The following DLGAP4 variants were observed in gnomAD, a reference collection of about 807,000 sequenced individuals.
DLGAP4 encodes the protein DLG associated protein 4, also known as disks large-associated protein 4.
DLGAP4 carries 18 observed loss-of-function variants against 86.9 expected under a neutral mutation model. The observed-to-expected ratio is 0.21, with a 90% CI of 0.14 to 0.31. The LOEUF is 0.31. Ranked by LOEUF, DLGAP4 falls within the 10% of genes least tolerant of loss-of-function variation. DLGAP4 has a pLI of 1.00. For synonymous variants in DLGAP4, 548 were observed against 574.3 expected (o/e 0.95, Z 0.65); for missense variants, 1,085 against 1,362.6 (o/e 0.80, Z 3.21).
chr20:36,309,581 C>A (rs1410759279), intron 1 of DLGAP4, among the ~76,000 whole-genome samples: 1 of 152,232 alleles, frequency 6.6e-6, no homozygotes, highest in Admixed American at 6.5e-5. Flanking sequence ...AAAGTCCCAG[C>A]AGGTCTGTGG....
chr20:36,461,754 C>G, intron 7 of DLGAP4: 1 of 605,396 alleles, frequency 1.7e-6, no homozygotes, highest in African/African-American at 2.7e-5. Flanking sequence ...TCCGTCCGCC[C>G]GCCCGCCCGC....
chr20:36,459,963 G>C (rs541737334), intron 7 of DLGAP4, among the ~76,000 whole-genome samples: 3 of 152,144 alleles, frequency 2.0e-5, no homozygotes, highest in Non-Finnish European at 4.4e-5. Flanking sequence ...TGTCAATCAC[G>C]GTCCACAGTT....
At position 36,436,269 on chromosome 20, in the gene DLGAP4, C is replaced by A; in HGVS notation, c.1160C>A (p.Pro387His). The A allele has an allele frequency of 2.5e-6, 4 of 1,605,938 alleles. No homozygotes were observed. The highest frequency in any genetic ancestry group is 2.2e-5 in the South Asian group (2 of 90,880). Reference sequence around the variant, plus strand: ...GACGAGTCCGGCGGCAGCCCCAAGCCCTCACCCAAGACCGCGGCGCGGCGC... The same window carrying A: ...GACGAGTCCGGCGGCAGCCCCAAGCACTCACCCAAGACCGCGGCGCGGCGC... Reference protein sequence around the residue: ...DSDESGGSPKPSPKTAARRQS... With the variant: ...DSDESGGSPKHSPKTAARRQS... Residue 387 changes from proline (P) to histidine (H), a missense_variant, in exon 4 of 13, where the codon CCC becomes CAC. Physicochemically the swap from Pro to His is moderately conservative, Grantham distance 77 (BLOSUM62 -2). Coordinates refer to ENST00000339266, the MANE Select transcript of DLGAP4 (RefSeq NM_001365621.2).
At chr20:36,343,234 C>A (rs1487907566) in intron 1 of DLGAP4, among the ~76,000 whole-genome samples, 1 of 152,184 alleles carries the variant, frequency 6.6e-6, no homozygotes, top group Non-Finnish European at 1.5e-5. Context: ...GAGGAGACGG[C>A]TGCAGACATC....
Position 36,527,031 on chromosome 20 carries a change from A to T in DLGAP4, c.2979A>T (p.Ter993CysextTer10). ...IYVPEAQTRL* is the reference protein window; with the variant it reads ...IYVPEAQTRLC Reference sequence around the variant, plus strand: ...TCCCGGAGGCCCAGACCAGGCTCTGAGACCATGCAGGAGGAAAGAAACGAT... The same window carrying T: ...TCCCGGAGGCCCAGACCAGGCTCTGTGACCATGCAGGAGGAAAGAAACGAT... Residue 993 changes from the stop codon to cysteine (C), a stop_lost, in exon 13 of 13, where the codon TGA becomes TGT. Transcript: ENST00000339266. 1 of 1,591,008 alleles carries T rather than the reference A, an allele frequency of 6.3e-7. No individual in the cohort carries two copies. The highest frequency in any genetic ancestry group is 8.6e-7 in the Non-Finnish European group (1 of 1,168,926).
intron 2 of DLGAP4, among the ~76,000 whole-genome samples, chr20:36,421,920 T>C (rs8114927): frequency 0.97 from 147,278 of 152,202 alleles, 71,298 homozygotes; most frequent in Middle Eastern, 1. Flanking sequence ...TTTAAGGCCA[T>C]GCGTCAGGAT....
chr20:36,501,669 A>T (rs1359103415), intron 10 of DLGAP4, among the ~76,000 whole-genome samples: 3 of 152,060 alleles, frequency 2.0e-5, no homozygotes, highest in African/African-American at 7.2e-5. Flanking sequence ...ACTCCTCCAC[A>T]CTCAGGAAGG....
At position 36,507,480 on chromosome 20, in the gene DLGAP4, G is replaced by A. The variant is rs372108085; in HGVS notation, c.2512+6869G>A. ...TGACCTCAAGTGATCTGCCCACCTC[G>A]CCCTCCCAAAATGCTGGGATTACAG... On this transcript the variant is annotated intron_variant, in intron 10 of 12. Coordinates refer to ENST00000339266, the MANE Select transcript of DLGAP4 (RefSeq NM_001365621.2). Among the ~76,000 whole-genome samples, 304 of 152,156 alleles carry A rather than the reference G, an allele frequency of 2.0e-3. 2 individuals are homozygous for A. Among genetic ancestry groups the A allele is most frequent in the Non-Finnish European group, 3.1e-3 (211 of 68,000 alleles).
intron 1 of DLGAP4, among the ~76,000 whole-genome samples, chr20:36,328,330 G>C (rs1555891175): frequency 6.6e-6 from 1 of 152,202 alleles, no homozygotes; most frequent in Non-Finnish European, 1.5e-5. Flanking sequence ...CTTTTGTGCT[G>C]AGTAGGGCGT....
Position 36,432,582 on chromosome 20 carries a change from G to T in DLGAP4, c.865G>T (p.Val289Phe), listed in dbSNP as rs773439639. The T allele has an allele frequency of 6.2e-7, 1 of 1,604,042 alleles. No homozygotes were observed. The highest frequency in any genetic ancestry group is 8.5e-7 in the Non-Finnish European group (1 of 1,175,514). Residue 289 changes from valine to phenylalanine, a missense_variant, in exon 3 of 13, where the codon GTC (valine) becomes TTC (phenylalanine). Physicochemically the swap from Val to Phe is conservative, Grantham distance 50. Transcript: ENST00000339266. This position sits in a 1 kb window ranked among gnomAD's most constrained non-coding sequence, Gnocchi z 6.5. The part of the protein sequence containing the change: ...SLGVGTDTNY[V>F]KRGSWSTLTL... ...TGGGGTGGGCACTGACACCAACTAC[G>T]TCAAACGGGGCTCCTGGTCCACTCT...
intron 2 of DLGAP4, among the ~76,000 whole-genome samples, chr20:36,415,269 G>GAAAAC (rs1237255563): frequency 7.3e-5 from 11 of 151,702 alleles, no homozygotes; most frequent in Non-Finnish European, 5.9e-5. Context: ...TGTCTCAAAA[G>GAAAAC]AAAACAAAAC....
chr20:36,312,209 T>C (rs1279942027), intron 1 of DLGAP4, among the ~76,000 whole-genome samples: 2 of 152,286 alleles, frequency 1.3e-5, no homozygotes, highest in Admixed American at 1.3e-4. Flanking sequence ...CCAGCTCATC[T>C]CTCAGGCTTC....
intron 10 of DLGAP4, among the ~76,000 whole-genome samples, chr20:36,515,057 A>G (rs1178632456): frequency 6.6e-6 from 1 of 152,152 alleles, no homozygotes; most frequent in Non-Finnish European, 1.5e-5. Context: ...AGGACCACTG[A>G]GATTAGGTGT....
intron 7 of DLGAP4, among the ~76,000 whole-genome samples, chr20:36,488,479 T>C (rs1432069169): frequency 1.3e-5 from 2 of 152,180 alleles, no homozygotes; most frequent in Non-Finnish European, 2.9e-5. Context: ...AAACCATTGC[T>C]CTTCTGGGCA....
chr20:36,389,067 G>A (rs2031700373), intron 2 of DLGAP4, among the ~76,000 whole-genome samples: 1 of 152,198 alleles, frequency 6.6e-6, no homozygotes, highest in African/African-American at 2.4e-5. Flanking sequence ...AGAAGACCGG[G>A]AAGAGCAGGT....
chr20:36,477,093 TTTTCTCTTTTTTC>T, intron 7 of DLGAP4, among the ~76,000 whole-genome samples: 1 of 151,580 alleles, frequency 6.6e-6, no homozygotes. Context: ...AAGTTTGTTT[TTTTCTCTTTTTTC>T]TTTTTTTTTT....
At chr20:36,376,964 G>C (rs1040176738) in intron 2 of DLGAP4, among the ~76,000 whole-genome samples, 3 of 152,176 alleles carry the variant, frequency 2.0e-5, no homozygotes, top group Admixed American at 2.0e-4. Context: ...CACGGTCCAG[G>C]GGCAGAGGTG....
At chr20:36,461,707 T>G in intron 7 of DLGAP4, 3 of 615,460 alleles carry the variant, frequency 4.9e-6, no homozygotes, top group South Asian at 8.3e-5. Context: ...CTCGCCCTCC[T>G]CCTCCTCCTC....
intron 1 of DLGAP4, among the ~76,000 whole-genome samples, chr20:36,321,805 A>C (rs2065171395): frequency 6.6e-6 from 1 of 152,232 alleles, no homozygotes; most frequent in Admixed American, 6.5e-5. Context: ...TATGCAGCAG[A>C]TAAAACCCAA....
Sources: allele counts gnomAD v4.1 joint callset (sites outside exome capture counted in the v4.1 genomes callset), GRCh38; gene constraint gnomAD v4.1.1; non-coding constraint Gnocchi (gnomAD v3.1); transcripts MANE v1.5; gene names NCBI Gene and HGNC (gene_info 2026-07-23, HGNC 2026-07-21).